Variants in LDB3 observed in about 807,000 individuals in gnomAD.
LDB3 encodes LIM domain-binding protein 3.
In LDB3, 49 loss-of-function variants were observed where a neutral mutation model predicts 69.0. The observed-to-expected ratio is 0.71, with a 90% CI of 0.56 to 0.90. LDB3 has a LOEUF of 0.90. Ranked by LOEUF, LDB3 falls within the 40% of genes least tolerant of loss-of-function variation. The pLI is 0.00. For synonymous variants in LDB3, 387 were observed against 396.2 expected (o/e 0.98, Z 0.28); for missense variants, 928 against 974.1 (o/e 0.95, Z 0.63).
In LDB3 at chr10:86,687,138, C is replaced by A. The variant is rs372423575; in HGVS notation, c.690-4758C>A. ...CGGCCCTGTCCACCCACAAGCCCAT[C>A]GAGGTGAAGGGGCTGGGCGGCAAGG... is the stretch of plus-strand genomic sequence containing the variant. On this transcript the variant is annotated intron_variant, in intron 5 of 13. Coordinates refer to ENST00000361373, the MANE Select transcript of LDB3 (RefSeq NM_007078.3). 28 of 1,614,092 alleles carry A rather than the reference C, an allele frequency of 1.7e-5. 1 individual carries two copies. In the South Asian group the frequency reaches 3.0e-4, roughly 17 times the overall value.
intron 12 of LDB3, among the ~76,000 whole-genome samples, chr10:86,724,369 C>T (rs1360026273): frequency 6.6e-6 from 1 of 151,820 alleles, no homozygotes; most frequent in Non-Finnish European, 1.5e-5. Flanking sequence ...CTTTGGGAGG[C>T]AGAGGCAGGT....
In LDB3 at chr10:86,681,521, C is replaced by T. The variant is rs772887402; in HGVS notation, c.407C>T (p.Pro136Leu). ...ARASPGTPGT[P>L]ELRPTFSPAF... ...GCCAGCCCAGGCACCCCAGGCACCCCGGAGCTCAGGCCCACCTTTAGCCCT... is the reference window on the plus strand; with the variant it reads ...GCCAGCCCAGGCACCCCAGGCACCCTGGAGCTCAGGCCCACCTTTAGCCCT... Residue 136 changes from proline (P) to leucine (L), a missense_variant, in exon 5 of 14, where the codon CCG (proline) becomes CTG (leucine). Physicochemically the swap from Pro to Leu is moderately conservative, Grantham distance 98. Transcript: ENST00000361373. The T allele has an allele frequency of 8.8e-5, 142 of 1,612,142 alleles. No homozygotes were observed. Among genetic ancestry groups the T allele is most frequent in the Non-Finnish European group, 1.0e-4 (123 of 1,179,822 alleles).
intron 5 of LDB3, among the ~76,000 whole-genome samples, chr10:86,682,212 C>T (rs1845192623): frequency 6.6e-6 from 1 of 152,126 alleles, no homozygotes; most frequent in Admixed American, 6.5e-5. Flanking sequence ...TCTGGGAGCT[C>T]GGAGGCAGGA....
At chr10:86,682,941 A>AC (rs112669026) in intron 5 of LDB3, among the ~76,000 whole-genome samples, 3,234 of 149,686 alleles carry the variant, frequency 0.022, 106 homozygotes, top group African/African-American at 0.067. Flanking sequence ...CAGCTTCCCC[A>AC]CCCCCCCAGC....
Position 86,727,833 on chromosome 10 carries a change from T to A in LDB3, c.2094+1581T>A, listed in dbSNP as rs571806319. ...TGTGTCTGTCTCTGTGTGGGTCTCC[T>A]TTTTTTTTTTATTTTTTTTTTGAGA... On this transcript the variant is annotated intron_variant, in intron 13 of 13. Transcript: ENST00000361373. Among the ~76,000 whole-genome samples the A allele has an allele frequency of 4.5e-5, 6 of 134,058 alleles. No individual in the cohort carries two copies. In the East Asian group the frequency reaches 1.6e-3, roughly 36 times the overall value. The allele number at this position is 134,058 out of a possible 152,430, so 87.9% of individuals were successfully genotyped here. A position where few individuals can be genotyped will look rare whatever the true frequency, so the allele number is the denominator to read the frequency against.
chr10:86,678,596 C>A (rs1368933594), intron 2 of LDB3, among the ~76,000 whole-genome samples: 2 of 152,092 alleles, frequency 1.3e-5, no homozygotes, highest in African/African-American at 4.8e-5. Context: ...CCTTGGCCTC[C>A]CAAAGTGCTG....
At chr10:86,685,569 C>A in intron 5 of LDB3, 1 of 1,123,386 alleles carries the variant, frequency 8.9e-7, no homozygotes. Context: ...GCGGTTTGGG[C>A]TGGTTCTGCC....
At chr10:86,685,887 T>C (rs1056214703) in intron 5 of LDB3, among the ~76,000 whole-genome samples, 1 of 151,448 alleles carries the variant, frequency 6.6e-6, no homozygotes, top group African/African-American at 2.4e-5. Flanking sequence ...CATTTGGGGG[T>C]GGGAGTGGGG....
chr10:86,704,698 GC>G (rs1846381828), intron 7 of LDB3, among the ~76,000 whole-genome samples: 1 of 151,202 alleles, frequency 6.6e-6, no homozygotes, highest in African/African-American at 2.4e-5. Flanking sequence ...TCCCGCCTCA[GC>G]CCCCAAGTAG....
chr10:86,709,548 G>C (rs1165946584), intron 8 of LDB3, among the ~76,000 whole-genome samples: 1 of 152,110 alleles, frequency 6.6e-6, no homozygotes, highest in South Asian at 2.1e-4. Flanking sequence ...TGCCCCACAA[G>C]GTCGTGGGGG....
chr10:86,693,906 A>T (rs1318281050), intron 7 of LDB3, among the ~76,000 whole-genome samples: 1 of 152,152 alleles, frequency 6.6e-6, no homozygotes, highest in African/African-American at 2.4e-5. Flanking sequence ...TTTAAATCAC[A>T]CACCCCAGAG....
intron 7 of LDB3, among the ~76,000 whole-genome samples, chr10:86,701,450 C>T (rs912459713): frequency 1.7e-4 from 26 of 152,224 alleles, no homozygotes; most frequent in Non-Finnish European, 3.5e-4. Flanking sequence ...TCATGTAGTG[C>T]CCTGGGGGGC....
chr10:86,697,549 C>CTTTTTTTTTTTT (rs71019409), intron 7 of LDB3, among the ~76,000 whole-genome samples: 3 of 83,942 alleles, frequency 3.6e-5, no homozygotes, highest in African/African-American at 5.9e-5. Flanking sequence ...TTCTTTCTTT[C>CTTTTTTTTTTTT]TTTTTTTTTT....
At chr10:86,720,765 CT>C (rs1306442961) in intron 12 of LDB3, among the ~76,000 whole-genome samples, 7 of 152,204 alleles carry the variant, frequency 4.6e-5, no homozygotes, top group Admixed American at 1.3e-4. Context: ...TCCATTATCA[CT>C]GCTGCCCCTC....
chr10:86,681,406 C>T lies in LDB3; in HGVS notation c.322-30C>T, dbSNP rs561690109. The T allele has an allele frequency of 6.9e-6, 11 of 1,598,824 alleles. No individual in the cohort carries two copies. The Admixed American group carries it at 1.8e-4, about 27-fold the overall frequency. ...GTGTGGCCTCTAACCGCTCTCTTCT[C>T]TCTCCCCTGCATGGCCTGCCCTGTG... On this transcript the variant is annotated intron_variant, in intron 4 of 13. Transcript: ENST00000361373.
intron 12 of LDB3, among the ~76,000 whole-genome samples, chr10:86,723,063 T>C (rs1847137845): frequency 6.6e-6 from 1 of 151,570 alleles, no homozygotes; most frequent in Non-Finnish European, 1.5e-5. Flanking sequence ...GCCCAGGAGT[T>C]CAAGAACAGC....
At chr10:86,718,190 G>A in intron 11 of LDB3, 46 bp downstream of exon 11, 2 of 1,578,570 alleles carry the variant, frequency 1.3e-6, no homozygotes, top group African/African-American at 2.7e-5. Context: ...CTCTTCCCCA[G>A]CCCTTCCCCA....
chr10:86,696,710 G>A (rs1253007104), intron 7 of LDB3, among the ~76,000 whole-genome samples: 2 of 152,146 alleles, frequency 1.3e-5, no homozygotes, highest in Non-Finnish European at 2.9e-5. Flanking sequence ...CTACGGGATG[G>A]TCAGGACTGT....
chr10:86,695,465 G>A (rs1845955336), intron 7 of LDB3, among the ~76,000 whole-genome samples: 1 of 152,168 alleles, frequency 6.6e-6, no homozygotes, highest in South Asian at 2.1e-4. Context: ...TAATTTCCAG[G>A]GACTCTTTAC....
Sources: allele counts gnomAD v4.1 joint callset (sites outside exome capture counted in the v4.1 genomes callset), GRCh38; gene constraint gnomAD v4.1.1; transcripts MANE v1.5; gene names NCBI Gene and HGNC (gene_info 2026-07-23, HGNC 2026-07-21).